DENND2A: variants seen among roughly 807,000 people sequenced by gnomAD.
DENND2A encodes DENN domain containing 2A.
In DENND2A, 53 loss-of-function variants were observed where a neutral mutation model predicts 105.3. The observed-to-expected ratio is 0.50, with a 90% CI of 0.40 to 0.63. The LOEUF is 0.63. Ranked by LOEUF, DENND2A falls within the 30% of genes least tolerant of loss-of-function variation. The pLI is 0.00. For missense variants in DENND2A, 1,138 were observed against 1,279.6 expected (o/e 0.89, Z 1.69); for synonymous variants, 522 against 508.4 (o/e 1.03, Z -0.36).
intron 5 of DENND2A, among the ~76,000 whole-genome samples, chr7:140,575,750 C>T (rs1026709174): frequency 3.3e-5 from 5 of 152,006 alleles, no homozygotes; most frequent in African/African-American, 1.2e-4. Context: ...GGTGGATCAC[C>T]TGAGGTCAGG....
chr7:140,598,092 G>C (rs1396803189), intron 3 of DENND2A, among the ~76,000 whole-genome samples: 1 of 151,736 alleles, frequency 6.6e-6, no homozygotes, highest in Non-Finnish European at 1.5e-5. Context: ...TAAAATATTA[G>C]CAAATAAAAT....
intron 12 of DENND2A, among the ~76,000 whole-genome samples, chr7:140,549,853 C>CATCAATGGATAAATGGATAAATAATCA (rs1176452794): frequency 6.6e-6 from 1 of 152,010 alleles, no homozygotes; most frequent in Non-Finnish European, 1.5e-5. Flanking sequence ...CCCAAATGTC[C>CATCAATGGATAAATGGATAAATAATCA]ATCAATGGAT....
At chr7:140,537,383 C>CAGT (rs966268073) in intron 14 of DENND2A, among the ~76,000 whole-genome samples, 241 of 152,360 alleles carry the variant, frequency 1.6e-3, no homozygotes, top group African/African-American at 5.6e-3. Context: ...TATCACTAGC[C>CAGT]AGTAGTCTAT....
At chr7:140,587,629 C>T (rs767139017) in intron 4 of DENND2A, 24 bp downstream of exon 4, 1 of 1,612,744 alleles carries the variant, frequency 6.2e-7, no homozygotes, top group South Asian at 1.1e-5. Flanking sequence ...CTCAGATCCG[C>T]ACACAGACGC....
At position 140,573,900 on chromosome 7, in the gene DENND2A, T is replaced by G; in HGVS notation, c.1354A>C (p.Ile452Leu). Residue 452 changes from isoleucine (I) to leucine (L), a missense_variant, in exon 6 of 20, where the codon ATC (isoleucine) becomes CTC (leucine). Physicochemically the swap from Ile to Leu is conservative, Grantham distance 5. Around this residue, in one of 2 missense-constraint regions of DENND2A, gnomAD observed 627 missense variants for 779.8 expected, o/e 0.80. Coordinates refer to ENST00000496613, the MANE Select transcript of DENND2A (RefSeq NM_015689.5). ...CTGCTGGGAGTGGAGGGAGGGCTGA[T>G]TTTGGAAGGGGACCCAGTTCCATCC... ...SRDGTGSPSKISPPSTPSSPD... is the reference protein window; with the variant it reads ...SRDGTGSPSKLSPPSTPSSPD... 1 of 1,614,092 alleles carries G rather than the reference T, an allele frequency of 6.2e-7. No homozygotes were observed. Among genetic ancestry groups the G allele is most frequent in the Non-Finnish European group, 8.5e-7 (1 of 1,180,012 alleles).
chr7:140,574,195 T>C (rs962687043), intron 5 of DENND2A, among the ~76,000 whole-genome samples, 187 bp from the exon 6 acceptor site: 3 of 152,126 alleles, frequency 2.0e-5, no homozygotes, highest in African/African-American at 7.2e-5. Flanking sequence ...ACCAAAACTG[T>C]GTGTGATGAG....
Position 140,573,840 on chromosome 7 carries a change from G to C in DENND2A, c.1414C>G (p.Gln472Glu). 1 of 1,614,010 alleles carries C rather than the reference G, an allele frequency of 6.2e-7. No homozygotes were observed. The highest frequency in any genetic ancestry group is 8.5e-7 in the Non-Finnish European group (1 of 1,179,930). Residue 472 changes from glutamine to glutamate, a missense_variant, in exon 6 of 20, where the codon CAG becomes GAG. Around this residue, in one of 2 missense-constraint regions of DENND2A, gnomAD observed 627 missense variants for 779.8 expected, o/e 0.80. Coordinates refer to ENST00000496613, the MANE Select transcript of DENND2A (RefSeq NM_015689.5). ...DDIFFNLGDP[Q>E]NGRKKRKIPK... ...ATCTTTCTCTTCTTCCTGCCGTTCT[G>C]TGGGTCTCCAAGGTTAAAGAAAATG...
rs1432224189 is a variant in DENND2A at position 140,609,344 on chromosome 7, C to T, written c.-247-3538G>A. Among the ~76,000 whole-genome samples the T allele has an allele frequency of 7.2e-5, 11 of 152,262 alleles. 1 individual carries two copies. The East Asian group carries it at 2.1e-3, about 29-fold the overall frequency. On this transcript the variant is annotated intron_variant, in intron 1 of 19. Coordinates refer to ENST00000496613, the MANE Select transcript of DENND2A (RefSeq NM_015689.5). ...CCTGGCCAACATGGGGAAACCCTGT[C>T]TCTACTAAAAATACAAAAATTAGGT...
intron 5 of DENND2A, among the ~76,000 whole-genome samples, chr7:140,578,831 G>GCA (rs1475016619): frequency 2.0e-5 from 3 of 152,212 alleles, no homozygotes; most frequent in Admixed American, 1.3e-4. Context: ...CTGAGATCAT[G>GCA]CCACTGCACT....
chr7:140,630,244 G>T (rs1208820506), intron 1 of DENND2A, among the ~76,000 whole-genome samples: 1 of 151,912 alleles, frequency 6.6e-6, no homozygotes, highest in Non-Finnish European at 1.5e-5. Flanking sequence ...CTGAGTGGCT[G>T]GGACCACAGG....
Position 140,523,470 on chromosome 7 carries a change from G to C in DENND2A, c.2548-46C>G. ...GTGGGCTTATGGGCACGGTGGCTGCGTCTTGGCCATAGGACACACTGGAGC... is the reference window on the plus strand; with the variant it reads ...GTGGGCTTATGGGCACGGTGGCTGCCTCTTGGCCATAGGACACACTGGAGC... On this transcript the variant is annotated intron_variant, in intron 16 of 19. Transcript: ENST00000496613. The surrounding 1 kb of genome is among the most constrained non-coding windows in gnomAD (Gnocchi z 4.5). The C allele has an allele frequency of 6.4e-7, 1 of 1,561,964 alleles. No homozygotes were observed. Among genetic ancestry groups the C allele is most frequent in the African/African-American group, 1.4e-5 (1 of 73,928 alleles).
chr7:140,558,177 C>G lies in DENND2A; in HGVS notation c.1925G>C (p.Gly642Ala). 1.2e-6 allele frequency: 2 copies of G among 1,613,652 alleles called. No homozygotes were observed. Among genetic ancestry groups the G allele is most frequent in the Non-Finnish European group, 1.7e-6 (2 of 1,179,612 alleles). ...TCGGCAGTAACCGAACCTTCTGCTC[C>G]CATCTTCTCCAGTTAAGACAAATGA... ...TFSFVLTGED[G>A]SRRFGYCRRL... Residue 642 changes from glycine (G) to alanine (A), a missense_variant, in exon 11 of 20, where the codon GGG (glycine) becomes GCG (alanine). Gly to Ala is a moderately conservative substitution (Grantham distance 60). Coordinates refer to ENST00000496613, the MANE Select transcript of DENND2A (RefSeq NM_015689.5).
chr7:140,629,424 A>G (rs750553788), intron 1 of DENND2A, among the ~76,000 whole-genome samples: 2 of 152,126 alleles, frequency 1.3e-5, no homozygotes, highest in Non-Finnish European at 2.9e-5. Context: ...CATGGAGTAA[A>G]GAACAAGGCA....
At position 140,523,035 on chromosome 7, in the gene DENND2A, G is replaced by T. The variant is rs1795919160; in HGVS notation, c.2665+272C>A. 6.6e-6 allele frequency among the ~76,000 whole-genome samples: 1 copy of T among 152,156 alleles called. No individual in the cohort carries two copies. The highest frequency in any genetic ancestry group is 2.4e-5 in the African/African-American group (1 of 41,440). On this transcript the variant is annotated intron_variant, in intron 17 of 19. Transcript: ENST00000496613. This position sits in a 1 kb window ranked among gnomAD's most constrained non-coding sequence, Gnocchi z 4.5. ...GGATCCTCCTGCCTCAGCCTCCCGG[G>T]TAGCTGGGACCACAGGCATGTGCCA...
intron 2 of DENND2A, among the ~76,000 whole-genome samples, chr7:140,605,034 C>T (rs192129062): frequency 2.0e-5 from 3 of 152,282 alleles, no homozygotes; most frequent in Admixed American, 6.5e-5. Flanking sequence ...GAAGCTCTGT[C>T]GGAAAACTTG....
chr7:140,553,024 C>T (rs1345316396), intron 12 of DENND2A, among the ~76,000 whole-genome samples: 3 of 151,772 alleles, frequency 2.0e-5, no homozygotes, highest in African/African-American at 4.8e-5. Context: ...TGGTGTTTCT[C>T]GTTAGGTGGA....
intron 12 of DENND2A, among the ~76,000 whole-genome samples, chr7:140,553,769 C>T (rs1162105627): frequency 6.6e-6 from 1 of 152,220 alleles, no homozygotes; most frequent in East Asian, 1.9e-4. Context: ...ATCCATTTAA[C>T]CCTGAGTGGA....
chr7:140,615,761 C>T (rs1050892520), intron 1 of DENND2A, among the ~76,000 whole-genome samples: 1 of 151,426 alleles, frequency 6.6e-6, no homozygotes. Flanking sequence ...CCACGTTGGC[C>T]AGGCTGGTCT....
chr7:140,569,890 CA>C (rs1181040300), intron 6 of DENND2A, 152 bp from the exon 7 acceptor site: 6 of 562,454 alleles, frequency 1.1e-5, no homozygotes, highest in East Asian at 8.4e-5. Flanking sequence ...GTCTTTCAAT[CA>C]TTTTTTTTTT....
Sources: gnomAD v4.1 joint callset for allele counts (sites outside exome capture counted in the v4.1 genomes callset) on GRCh38, gnomAD v4.1.1 for gene constraint, gnomAD v4.1.1 regional missense constraint, Gnocchi (gnomAD v3.1) non-coding constraint, MANE v1.5 for transcripts, NCBI Gene and HGNC (gene_info 2026-07-23, HGNC 2026-07-21) for gene names.